The following YWHAG variants were observed in gnomAD, a reference collection of about 807,000 sequenced individuals.
YWHAG encodes the protein tyrosine 3-monooxygenase/tryptophan 5-monooxygenase activation protein gamma.
In YWHAG, 1 loss-of-function variant was observed where a neutral mutation model predicts 23.3. The ratio of observed to expected loss-of-function variants is 0.04; its 90% CI spans 0.02 to 0.20. The LOEUF is 0.20. Among genes scored for constraint, YWHAG ranks in the 10% least tolerant of loss-of-function variants. YWHAG has a pLI of 1.00. For missense variants in YWHAG, 151 were observed against 338.6 expected, an observed-to-expected ratio of 0.45 and a Z score of 4.35; for synonymous variants, 160 against 144.0, an observed-to-expected ratio of 1.11 and a Z score of -0.80.
intron 1 of YWHAG, among the ~76,000 whole-genome samples, chr7:76,349,386 G>C (rs375444138): frequency 2.0e-5 from 3 of 149,698 alleles, no homozygotes; most frequent in Non-Finnish European, 4.4e-5. Context: ...TTTCCATTGC[G>C]GTCCAGACGC....
At chr7:76,355,085 C>G (rs369971110) in intron 1 of YWHAG, among the ~76,000 whole-genome samples, 1 of 152,156 alleles carries the variant, frequency 6.6e-6, no homozygotes, top group African/African-American at 2.4e-5. Context: ...TAGTCCAGAC[C>G]GGCATCACTT....
intron 1 of YWHAG, among the ~76,000 whole-genome samples, chr7:76,343,045 G>C (rs1200965291): frequency 2.0e-5 from 3 of 152,128 alleles, no homozygotes. Flanking sequence ...GGTGAGGTAG[G>C]AGAATCGCTT....
At chr7:76,353,377 TA>T (rs1446414437) in intron 1 of YWHAG, among the ~76,000 whole-genome samples, 3 of 152,118 alleles carry the variant, frequency 2.0e-5, no homozygotes, top group African/African-American at 7.2e-5. Context: ...CATGCCCAGC[TA>T]ATTTTTTGTA....
At chr7:76,334,004 T>C (rs1054083548) in intron 1 of YWHAG, among the ~76,000 whole-genome samples, 3 of 152,154 alleles carry the variant, frequency 2.0e-5, no homozygotes, top group Non-Finnish European at 2.9e-5. Flanking sequence ...CCCAGACACA[T>C]TGGAACAAGG....
At chr7:76,335,317 A>G (rs944146548) in intron 1 of YWHAG, among the ~76,000 whole-genome samples, 1 of 152,132 alleles carries the variant, frequency 6.6e-6, no homozygotes, top group African/African-American at 2.4e-5. Context: ...CGGCCTCCCA[A>G]AGTGCTGGGA....
chr7:76,339,063 G>A (rs1803655034), intron 1 of YWHAG, among the ~76,000 whole-genome samples: 1 of 152,178 alleles, frequency 6.6e-6, no homozygotes, highest in African/African-American at 2.4e-5. Context: ...TGAAAGCCAA[G>A]TTTTCAGAAA....
At chr7:76,336,898 A>C (rs1311861015) in intron 1 of YWHAG, among the ~76,000 whole-genome samples, 1 of 152,142 alleles carries the variant, frequency 6.6e-6, no homozygotes, top group African/African-American at 2.4e-5. Flanking sequence ...GTGAGTGCTA[A>C]ATAGAAACAG....
intron 1 of YWHAG, among the ~76,000 whole-genome samples, chr7:76,332,691 CTT>C (rs1335846429): frequency 5.4e-4 from 73 of 134,568 alleles, no homozygotes; most frequent in Admixed American, 5.2e-4. Flanking sequence ...TGGCTGATTT[CTT>C]TTTTTTTTTT....
At chr7:76,330,271 T>TG in intron 1 of YWHAG, 38 bp from the exon 2 acceptor site, 3 of 1,582,578 alleles carry the variant, frequency 1.9e-6, no homozygotes, top group Non-Finnish European at 2.6e-6. Context: ...ATGGTACAGA[T>TG]GGTGTCCACT....
chr7:76,345,891 A>ATCGTGCCACTGCAC (rs1803772277), intron 1 of YWHAG, among the ~76,000 whole-genome samples: 1 of 152,174 alleles, frequency 6.6e-6, no homozygotes, highest in Non-Finnish European at 1.5e-5. Context: ...CAGGGAGCCG[A>ATCGTGCCACTGCAC]GATTGCACCA....
At chr7:76,350,845 AAAAAG>A (rs1413622789) in intron 1 of YWHAG, among the ~76,000 whole-genome samples, 2 of 152,332 alleles carry the variant, frequency 1.3e-5, no homozygotes, top group East Asian at 3.9e-4. Context: ...CTGTCTCAAA[AAAAAG>A]AAAAGAGAAA....
chr7:76,337,535 ATTT>A (rs1299444317), intron 1 of YWHAG, among the ~76,000 whole-genome samples: 3 of 139,120 alleles, frequency 2.2e-5, no homozygotes, highest in Non-Finnish European at 3.1e-5. Flanking sequence ...CCCTTTGCTA[ATTT>A]TTTTTTTTTT....
intron 1 of YWHAG, among the ~76,000 whole-genome samples, chr7:76,345,845 G>C (rs1803771062): frequency 6.6e-6 from 1 of 152,110 alleles, no homozygotes; most frequent in Non-Finnish European, 1.5e-5. Flanking sequence ...TGAGGCAGCA[G>C]AATTGCTTGA....
chr7:76,353,635 G>A (rs1803906136), intron 1 of YWHAG, among the ~76,000 whole-genome samples: 1 of 152,180 alleles, frequency 6.6e-6, no homozygotes, highest in Non-Finnish European at 1.5e-5. Flanking sequence ...AAAATAATAT[G>A]TTTTGGTAGT....
rs1478059415 is a variant in YWHAG, at chr7:76,328,628, G to A, written c.*949C>T. The A allele has an allele frequency of 2.0e-5, 3 of 152,186 alleles. No individual in the cohort carries two copies. The highest frequency in any genetic ancestry group is 7.2e-5 in the African/African-American group (3 of 41,430). The allele number at this position is 152,186 out of a possible 1,614,324, so 9.4% of individuals were successfully genotyped here. A position where few individuals can be genotyped will look rare whatever the true frequency, so the allele number is the denominator to read the frequency against. On this transcript the variant is annotated 3_prime_UTR_variant, in exon 2 of 2. Transcript: ENST00000307630. ...AGTGCAGAGTGGGTGACGGCAGTGT[G>A]ATCCCTGAGGAGGGAGCTGCAGCAG... is the stretch of plus-strand genomic sequence containing the variant.
intron 1 of YWHAG, among the ~76,000 whole-genome samples, chr7:76,354,051 C>T (rs1310166685): frequency 8.5e-6 from 1 of 117,316 alleles, no homozygotes; most frequent in Non-Finnish European, 1.7e-5. Context: ...AGAGTGAGAC[C>T]TTGCCTCAAA....
Position 76,328,042 on chromosome 7 carries a change from A to C in YWHAG, c.*1535T>G, listed in dbSNP as rs1489482380. ...ATAAAACAAAGAAACAAAGAAAACA[A>C]GTGTGGTGTCATTACACGTCTCGGG... On this transcript the variant is annotated 3_prime_UTR_variant, in exon 2 of 2. Transcript: ENST00000307630. The C allele has an allele frequency of 2.6e-5, 4 of 152,130 alleles. No individual in the cohort carries two copies. The East Asian group carries it at 7.7e-4, about 29-fold the overall frequency. 9.4% of individuals were successfully genotyped at this position (152,130 alleles called of 1,614,324 possible).
At chr7:76,348,956 T>C (rs1803828574) in intron 1 of YWHAG, among the ~76,000 whole-genome samples, 1 of 152,128 alleles carries the variant, frequency 6.6e-6, no homozygotes, top group African/African-American at 2.4e-5. Flanking sequence ...TGTTGTGAAA[T>C]TAAATGGGAA....
intron 1 of YWHAG, among the ~76,000 whole-genome samples, chr7:76,336,745 G>T (rs2860220): frequency 6.6e-6 from 1 of 150,610 alleles, no homozygotes; most frequent in Non-Finnish European, 1.5e-5. Context: ...CGTGAGCCAC[G>T]GTGCCCGGTC....
Sources: allele counts gnomAD v4.1 joint callset (sites outside exome capture counted in the v4.1 genomes callset), GRCh38; gene constraint gnomAD v4.1.1; transcripts MANE v1.5; gene names NCBI Gene and HGNC (gene_info 2026-07-23, HGNC 2026-07-21).